JMJD1C: variants seen among roughly 807,000 people sequenced by gnomAD.
JMJD1C encodes jumonji domain-containing protein 1C.
JMJD1C carries 31 observed loss-of-function variants against 245.3 expected under a neutral mutation model. The observed-to-expected ratio is 0.13, with a 90% CI of 0.09 to 0.17. JMJD1C has a LOEUF of 0.17. Ranked by LOEUF, JMJD1C falls within the 10% of genes least tolerant of loss-of-function variation. The pLI is 1.00. For missense variants in JMJD1C, 2,691 were observed against 3,000.2 expected, an observed-to-expected ratio of 0.90 and a Z score of 2.41; for synonymous variants, 1,057 against 1,017.4, an observed-to-expected ratio of 1.04 and a Z score of -0.74.
rs143713184 is a variant in JMJD1C at position 63,185,063 on chromosome 10, A to G, written c.6831-325T>C. Among the ~76,000 whole-genome samples the G allele has an allele frequency of 1.1e-3, 167 of 151,762 alleles. 1 individual carries two copies. Among genetic ancestry groups the G allele is most frequent in the African/African-American group, 3.7e-3 (153 of 41,380 alleles). On this transcript the variant is annotated intron_variant, in intron 20 of 25. Coordinates refer to ENST00000399262, the MANE Select transcript of JMJD1C (RefSeq NM_032776.3). ...AGCCACCGTGCCCAGCCTCTTTAAC[A>G]TGAACATTCTTTCCTTCACTGTCCT... is the stretch of plus-strand genomic sequence containing the variant.
chr10:63,317,770 G>A (rs192927770), intron 2 of JMJD1C, among the ~76,000 whole-genome samples: 205 of 152,142 alleles, frequency 1.3e-3, no homozygotes, highest in African/African-American at 4.4e-3. Flanking sequence ...AGTGTGCCCC[G>A]TCGCCCCCCA....
rs200715648 is a variant in JMJD1C at position 63,206,872 on chromosome 10, A to G, written c.4797T>C (p.Asp1599=). ...STSSDIQNSV[D]SKIIVDKYVK... ...CATATTTATCAACTATGATCTTACT[A>G]TCTACACTATTTTGTATATCACTAG... The change falls in exon 10 of 26, where the codon GAT becomes GAC. Residue 1599 remains aspartate, a synonymous_variant. Coordinates refer to ENST00000399262, the MANE Select transcript of JMJD1C (RefSeq NM_032776.3). The G allele has an allele frequency of 2.2e-4, 351 of 1,607,672 alleles. No individual in the cohort carries two copies. The highest frequency in any genetic ancestry group is 3.3e-4 in the Middle Eastern group (2 of 6,044).
intron 2 of JMJD1C, among the ~76,000 whole-genome samples, chr10:63,333,165 G>A (rs1482265124): frequency 2.6e-5 from 4 of 152,108 alleles, no homozygotes; most frequent in African/African-American, 7.2e-5. Context: ...ATGAAAAACT[G>A]TTGACCTTTA....
At chr10:63,261,506 G>A (rs1001287607) in intron 3 of JMJD1C, among the ~76,000 whole-genome samples, 6 of 152,000 alleles carry the variant, frequency 3.9e-5, no homozygotes, top group Admixed American at 3.3e-4. Flanking sequence ...TCTTGAAACC[G>A]GGAGGCGGAG....
intron 1 of JMJD1C, among the ~76,000 whole-genome samples, chr10:63,473,501 C>G (rs572877325): frequency 1.3e-5 from 2 of 152,008 alleles, no homozygotes; most frequent in African/African-American, 4.8e-5. Flanking sequence ...CCCACCTTGG[C>G]CTCCCAAAGT....
At chr10:63,204,328 G>A (rs1223428715) in intron 10 of JMJD1C, 2 of 985,042 alleles carry the variant, frequency 2.0e-6, no homozygotes, top group Non-Finnish European at 2.4e-6. Context: ...CAACCTGGGG[G>A]AAAAAAAGGC....
At chr10:63,224,117 T>C (rs1187428536) in intron 3 of JMJD1C, among the ~76,000 whole-genome samples, 4 of 152,162 alleles carry the variant, frequency 2.6e-5, no homozygotes, top group African/African-American at 9.7e-5. Flanking sequence ...TATACAAATA[T>C]TTTTCCAACA....
intron 3 of JMJD1C, among the ~76,000 whole-genome samples, chr10:63,239,699 G>A (rs1851245342): frequency 6.6e-6 from 1 of 152,140 alleles, no homozygotes; most frequent in Admixed American, 6.6e-5. Flanking sequence ...ACCCACCTTG[G>A]CCTCCTAAGT....
intron 1 of JMJD1C, among the ~76,000 whole-genome samples, chr10:63,501,426 T>C (rs1260317405): frequency 6.6e-6 from 1 of 152,104 alleles, no homozygotes; most frequent in Admixed American, 6.5e-5. Flanking sequence ...CTTTCCCCCA[T>C]ACTTTTCAAA....
At chr10:63,393,236 C>G (rs992959086) in intron 1 of JMJD1C, among the ~76,000 whole-genome samples, 1 of 152,074 alleles carries the variant, frequency 6.6e-6, no homozygotes, top group Non-Finnish European at 1.5e-5. Context: ...CCACTGTACT[C>G]CAGCCTGGGC....
At chr10:63,305,801 C>T (rs1017291392) in intron 2 of JMJD1C, among the ~76,000 whole-genome samples, 6 of 152,044 alleles carry the variant, frequency 3.9e-5, no homozygotes, top group Non-Finnish European at 8.8e-5. Context: ...GGCACAATCT[C>T]GGCTCACTGC....
At chr10:63,505,342 C>T (rs923147384) in intron 1 of JMJD1C, among the ~76,000 whole-genome samples, 6 of 149,922 alleles carry the variant, frequency 4.0e-5, no homozygotes, top group African/African-American at 1.2e-4. Context: ...AAAGCTTCCT[C>T]GAGTGATTTT....
At chr10:63,295,036 C>T (rs1451922001) in intron 2 of JMJD1C, among the ~76,000 whole-genome samples, 1 of 151,276 alleles carries the variant, frequency 6.6e-6, no homozygotes, top group African/African-American at 2.4e-5. Context: ...TAAAAAACAG[C>T]AATTAGAAGA....
intron 1 of JMJD1C, chr10:63,427,279 C>A: frequency 3.0e-6 from 1 of 328,386 alleles, no homozygotes; most frequent in Non-Finnish European, 5.3e-6. Flanking sequence ...AACTCTGGAG[C>A]CCACTCCAGC....
chr10:63,174,302 G>C (rs1842669195), intron 24 of JMJD1C, among the ~76,000 whole-genome samples: 1 of 152,076 alleles, frequency 6.6e-6, no homozygotes, highest in Admixed American at 6.5e-5. Context: ...ACTTCAGCTG[G>C]TGAATGTACG....
intron 2 of JMJD1C, chr10:63,301,790 A>G (rs759928303): frequency 4.7e-6 from 2 of 425,812 alleles, no homozygotes; most frequent in South Asian, 1.7e-5. Flanking sequence ...CACGTTCTGC[A>G]TATGTATCCC....
intron 3 of JMJD1C, among the ~76,000 whole-genome samples, chr10:63,259,797 TGTATTTA>T (rs776053286): frequency 5.3e-5 from 8 of 152,252 alleles, no homozygotes; most frequent in Non-Finnish European, 1.0e-4. Context: ...ACAACAGTAC[TGTATTTA>T]GTATTTAGTA....
At chr10:63,365,964 T>C (rs1945802127) in intron 2 of JMJD1C, among the ~76,000 whole-genome samples, 1 of 152,196 alleles carries the variant, frequency 6.6e-6, no homozygotes, top group South Asian at 2.1e-4. Flanking sequence ...TCTAAAAATG[T>C]GATTTACAAT....
In JMJD1C at chr10:63,206,905, G is replaced by A. The variant is rs756065567; in HGVS notation, c.4764C>T (p.Ala1588=). 6.2e-7 allele frequency: 1 copy of A among 1,608,656 alleles called. No homozygotes were observed. Among genetic ancestry groups the A allele is most frequent in the Non-Finnish European group, 8.5e-7 (1 of 1,175,926 alleles). The change falls in exon 10 of 26, where the codon GCC becomes GCT. Residue 1588 remains alanine (A), a synonymous_variant. Coordinates refer to ENST00000399262, the MANE Select transcript of JMJD1C (RefSeq NM_032776.3). The part of the protein sequence containing the change: ...IIKPCSVNLI[A]STSSDIQNSV... ...TATTTTGTATATCACTAGATGTAGA[G>A]GCTATTAAGTTGACAGAACATGGCT...
Sources: allele counts gnomAD v4.1 joint callset (sites outside exome capture counted in the v4.1 genomes callset), GRCh38; gene constraint gnomAD v4.1.1; transcripts MANE v1.5; gene names NCBI Gene and HGNC (gene_info 2026-07-23, HGNC 2026-07-21).